TTC13: variants seen among roughly 807,000 people sequenced by gnomAD.
The protein encoded by TTC13 is tetratricopeptide repeat protein 13.
TTC13 carries 62 observed loss-of-function variants against 120.0 expected under a neutral mutation model. The ratio of observed to expected loss-of-function variants is 0.52; its 90% CI spans 0.42 to 0.64. The LOEUF is 0.64. Ranked by LOEUF, TTC13 falls within the 30% of genes least tolerant of loss-of-function variation. The pLI, the probability that TTC13 is intolerant of heterozygous loss-of-function variation, is 0.00. For synonymous variants in TTC13, 384 were observed against 393.5 expected (o/e 0.98, Z 0.28); for missense variants, 824 against 1,050.2 (o/e 0.78, Z 2.98).
intron 3 of TTC13, among the ~76,000 whole-genome samples, chr1:230,957,209 G>A (rs1676170275): frequency 6.6e-6 from 1 of 152,202 alleles, no homozygotes; most frequent in Non-Finnish European, 1.5e-5. Context: ...GGCCAAGGCA[G>A]GAGGATTCCT....
At chr1:230,956,858 G>T (rs1676133168) in intron 3 of TTC13, among the ~76,000 whole-genome samples, 1 of 152,104 alleles carries the variant, frequency 6.6e-6, no homozygotes, top group South Asian at 2.1e-4. Flanking sequence ...GGTATAACTG[G>T]ACTTCTCTCA....
In TTC13 at chr1:230,924,855, T is replaced by C. The variant is rs773089980; in HGVS notation, c.1707A>G (p.Ala569=). ...LMQWRDMFDI[A]VKWRRIADPD... The stretch of plus-strand genomic sequence containing the variant: ...ATGTTAGTTACCTTCTCCATTTAAC[T>C]GCAATGTCAAACATGTCTCTCCACT... Residue 569 remains alanine, a synonymous_variant, in exon 14 of 23, where the codon GCA becomes GCG. Transcript: ENST00000366661. 3 of 1,614,200 alleles carry C rather than the reference T, an allele frequency of 1.9e-6. No homozygotes were observed. The Admixed American group carries it at 5.0e-5, about 27-fold the overall frequency.
intron 2 of TTC13, among the ~76,000 whole-genome samples, chr1:230,959,515 G>A (rs537671230): frequency 1.9e-4 from 29 of 152,208 alleles, no homozygotes; most frequent in African/African-American, 7.0e-4. Flanking sequence ...CCAAGTAGCT[G>A]GGATTACAGG....
chr1:230,945,687 C>T (rs1674928837), intron 4 of TTC13, among the ~76,000 whole-genome samples: 1 of 152,056 alleles, frequency 6.6e-6, no homozygotes, highest in Non-Finnish European at 1.5e-5. Context: ...GAGAAGGGAA[C>T]CAACATTACG....
intron 1 of TTC13, among the ~76,000 whole-genome samples, chr1:230,970,668 G>C (rs1336604943): frequency 6.6e-6 from 1 of 152,218 alleles, no homozygotes; most frequent in African/African-American, 2.4e-5. Context: ...AGGAAGGAGA[G>C]AAGGTGGCAT....
intron 4 of TTC13, among the ~76,000 whole-genome samples, chr1:230,946,805 A>G (rs115873810): frequency 2.5e-4 from 38 of 152,280 alleles, no homozygotes; most frequent in African/African-American, 9.1e-4. Context: ...CCTGGCCCCT[A>G]CAAAGTTCTG....
chr1:230,978,677 G>C lies in TTC13; in HGVS notation c.154C>G (p.Leu52Val), dbSNP rs1678641033. ...TGCAGCTCCTGCTTGAGCAGGGAGA[G>C]CGGCGAGTAGTGCTCGGTGGCCAGG... ...GALATEHYSP[L>V]SLLKQELQHR... The change falls in exon 1 of 23, where the codon CTC (leucine) becomes GTC (valine). Residue 52 changes from leucine (L) to valine (V), a missense_variant. Physicochemically the swap from Leu to Val is conservative, Grantham distance 32 (BLOSUM62 1). Coordinates refer to ENST00000366661, the MANE Select transcript of TTC13 (RefSeq NM_024525.5). This position sits in a 1 kb window ranked among gnomAD's most constrained non-coding sequence, Gnocchi z 5.6. The C allele has an allele frequency of 6.7e-7, 1 of 1,487,452 alleles. No individual in the cohort carries two copies. The highest frequency in any genetic ancestry group is 2.9e-5 in the East Asian group (1 of 35,048). 92.1% of individuals were successfully genotyped at this position (1,487,452 alleles called of 1,614,324 possible).
intron 22 of TTC13, among the ~76,000 whole-genome samples, chr1:230,907,520 AGATTCACACTGTACAATTATG>A (rs1671046368): frequency 6.6e-6 from 1 of 152,246 alleles, no homozygotes; most frequent in African/African-American, 2.4e-5. Flanking sequence ...AATTGTCAAA[AGATTCACACTGTACAATTATG>A]TAAGAATAGA....
chr1:230,978,679 G>A lies in TTC13; in HGVS notation c.152C>T (p.Pro51Leu), dbSNP rs1369227106. 2 of 1,491,002 alleles carry A rather than the reference G, an allele frequency of 1.3e-6. No individual in the cohort carries two copies. Among genetic ancestry groups the A allele is most frequent in the East Asian group, 2.8e-5 (1 of 35,404 alleles). 92.4% of individuals were successfully genotyped at this position (1,491,002 alleles called of 1,614,324 possible). A position where few individuals can be genotyped will look rare whatever the true frequency, so the allele number is the denominator to read the frequency against. ...CAGCTCCTGCTTGAGCAGGGAGAGC[G>A]GCGAGTAGTGCTCGGTGGCCAGGGC... ...PGALATEHYSPLSLLKQELQH... is the reference protein window; with the variant it reads ...PGALATEHYSLLSLLKQELQH... The change falls in exon 1 of 23, where the codon CCG becomes CTG. Residue 51 changes from proline to leucine, a missense_variant. Pro to Leu is a moderately conservative substitution (Grantham distance 98). This residue lies in a region of TTC13 where 160 missense variants were observed against 137.2 expected (regional missense o/e 1.17). Transcript: ENST00000366661. This position sits in a 1 kb window ranked among gnomAD's most constrained non-coding sequence, Gnocchi z 5.6.
chr1:230,927,635 A>G (rs1022876614), intron 12 of TTC13, among the ~76,000 whole-genome samples: 11 of 152,080 alleles, frequency 7.2e-5, no homozygotes, highest in African/African-American at 2.7e-4. Context: ...TCTTTATCCA[A>G]TTTGGGCTTA....
In TTC13 at chr1:230,942,409, A is replaced by C. The variant is rs1674608456; in HGVS notation, c.672+1397T>G. Among the ~76,000 whole-genome samples, 1 of 152,234 alleles carries C rather than the reference A, an allele frequency of 6.6e-6. No individual in the cohort carries two copies. The highest frequency in any genetic ancestry group is 2.1e-4 in the South Asian group (1 of 4,832). On this transcript the variant is annotated intron_variant, in intron 6 of 22. Coordinates refer to ENST00000366661, the MANE Select transcript of TTC13 (RefSeq NM_024525.5). The surrounding 1 kb of genome is among the most constrained non-coding windows in gnomAD (Gnocchi z 4.0). The stretch of plus-strand genomic sequence containing the variant: ...GAAGAGGTAAGAAATTAAATCATTC[A>C]TTGAGAAAGATTTTATTCAAAAAGC...
chr1:230,932,573 A>T (rs1157916887), intron 9 of TTC13, among the ~76,000 whole-genome samples: 1 of 152,144 alleles, frequency 6.6e-6, no homozygotes, highest in Non-Finnish European at 1.5e-5. Context: ...AATAGTGAAC[A>T]TTTTTTAAAA....
chr1:230,935,083 T>A (rs1163256104), intron 8 of TTC13, among the ~76,000 whole-genome samples: 1 of 152,230 alleles, frequency 6.6e-6, no homozygotes, highest in Non-Finnish European at 1.5e-5. Context: ...TATCTACGGT[T>A]GGGTAGAGAG....
intron 8 of TTC13, among the ~76,000 whole-genome samples, chr1:230,934,216 C>T (rs2102851221): frequency 6.6e-6 from 1 of 152,090 alleles, no homozygotes; most frequent in South Asian, 2.1e-4. Context: ...GGCCCTAGGA[C>T]CAAAAGCAAG....
chr1:230,954,397 G>C lies in TTC13; in HGVS notation c.449C>G (p.Ala150Gly), dbSNP rs1675866913. ...CAGACCACTGCCAATCAAGACATAA[G>C]CAATAGCTATGAAACAAAATACAAA... is the stretch of plus-strand genomic sequence containing the variant. ...NDSTNEELAIAYVLIGSGLYD... is the reference protein window; with the variant it reads ...NDSTNEELAIGYVLIGSGLYD... The change falls in exon 4 of 23, where the codon GCT (alanine) becomes GGT (glycine). Residue 150 changes from alanine (A) to glycine (G), a missense_variant. Ala to Gly is a moderately conservative substitution (Grantham distance 60, BLOSUM62 0). Transcript: ENST00000366661. 6.2e-7 allele frequency: 1 copy of C among 1,609,092 alleles called. No individual in the cohort carries two copies. The highest frequency in any genetic ancestry group is 8.5e-7 in the Non-Finnish European group (1 of 1,176,976).
At chr1:230,958,789 C>T (rs544384797) in intron 2 of TTC13, among the ~76,000 whole-genome samples, 2 of 152,276 alleles carry the variant, frequency 1.3e-5, no homozygotes, top group Non-Finnish European at 2.9e-5. Flanking sequence ...TCCGGAATTT[C>T]GAGATCAGCC....
At chr1:230,974,627 G>A (rs556476765) in intron 1 of TTC13, among the ~76,000 whole-genome samples, 27 of 152,188 alleles carry the variant, frequency 1.8e-4, no homozygotes, top group East Asian at 1.7e-3. Context: ...TGATGAAATC[G>A]CCTAACGACA....
intron 3 of TTC13, among the ~76,000 whole-genome samples, 166 bp downstream of exon 3, chr1:230,958,058 A>G (rs1416370500): frequency 6.6e-6 from 1 of 151,726 alleles, no homozygotes; most frequent in East Asian, 1.9e-4. Flanking sequence ...TTCTCTTGAC[A>G]TATAATAAAT....
intron 5 of TTC13, 92 bp downstream of exon 5, chr1:230,945,297 C>T: frequency 6.2e-6 from 7 of 1,131,294 alleles, no homozygotes; most frequent in Non-Finnish European, 5.4e-6. Flanking sequence ...CACATCCCAT[C>T]AAGGGTCAAT....
Sources: allele counts gnomAD v4.1 joint callset (sites outside exome capture counted in the v4.1 genomes callset), GRCh38; gene constraint gnomAD v4.1.1; regional missense constraint gnomAD v4.1.1; non-coding constraint Gnocchi (gnomAD v3.1); transcripts MANE v1.5; gene names NCBI Gene and HGNC (gene_info 2026-07-23, HGNC 2026-07-21).